KCNC2: variants seen among roughly 807,000 people sequenced by gnomAD.
KCNC2 encodes the protein voltage-gated potassium channel KCNC2.
Under a neutral mutation model 44.5 loss-of-function variants are expected in KCNC2, and 21 were observed. The observed-to-expected ratio is 0.47, with a 90% CI of 0.33 to 0.68. KCNC2 has a LOEUF of 0.68. Ranked by LOEUF, KCNC2 falls within the 30% of genes least tolerant of loss-of-function variation. The pLI, the probability that KCNC2 is intolerant of heterozygous loss-of-function variation, is 0.01. For missense variants in KCNC2, 589 were observed against 826.2 expected, an observed-to-expected ratio of 0.71 and a Z score of 3.52; for synonymous variants, 391 against 339.1, an observed-to-expected ratio of 1.15 and a Z score of -1.68.
intron 2 of KCNC2, among the ~76,000 whole-genome samples, chr12:75,064,733 A>C (rs1258457925): frequency 6.6e-6 from 1 of 152,074 alleles, no homozygotes; most frequent in Non-Finnish European, 1.5e-5. Flanking sequence ...ATGCTAAAAA[A>C]GGTCATGTCC....
intron 2 of KCNC2, among the ~76,000 whole-genome samples, chr12:75,080,422 C>A (rs547178194): frequency 1.1e-4 from 17 of 151,292 alleles, no homozygotes; most frequent in African/African-American, 3.1e-4. Context: ...AAAAAAAAAA[C>A]CATCTCCAGG....
chr12:75,042,255 C>T lies in KCNC2; in HGVS notation c.*850G>A. ...AACCAAGCAGCAATTTCTGGCTAAA[C>T]AATGCAAGCCTGGCTGGCAGTTACC... On this transcript the variant is annotated 3_prime_UTR_variant, in exon 5 of 5. Coordinates refer to ENST00000549446, the MANE Select transcript of KCNC2 (RefSeq NM_139137.4). 6.3e-7 allele frequency: 1 copy of T among 1,593,666 alleles called. No homozygotes were observed. Among genetic ancestry groups the T allele is most frequent in the Non-Finnish European group, 8.5e-7 (1 of 1,171,750 alleles).
At chr12:75,063,005 C>G (rs2136998338) in intron 2 of KCNC2, among the ~76,000 whole-genome samples, 1 of 152,126 alleles carries the variant, frequency 6.6e-6, no homozygotes, top group Non-Finnish European at 1.5e-5. Flanking sequence ...GGAAAAAAGA[C>G]AGCTATGGAT....
intron 2 of KCNC2, among the ~76,000 whole-genome samples, chr12:75,199,346 A>G (rs553136192): frequency 4.6e-5 from 7 of 151,904 alleles, no homozygotes; most frequent in Middle Eastern, 3.4e-3. Context: ...GGACACATAA[A>G]ACAATGAGGA....
At position 75,207,223 on chromosome 12, in the gene KCNC2, G is replaced by T; in HGVS notation, c.687+74C>A. ...CCCCCCATGCCTGAGGCCCTGGGGT[G>T]GAAAAGAACAGAAAGTTGGGGAGGG... On this transcript the variant is annotated intron_variant, in intron 2 of 4. Coordinates refer to ENST00000549446, the MANE Select transcript of KCNC2 (RefSeq NM_139137.4). This position sits in a 1 kb window ranked among gnomAD's most constrained non-coding sequence, Gnocchi z 4.1. 6.7e-7 allele frequency: 1 copy of T among 1,494,364 alleles called. No individual in the cohort carries two copies. Among genetic ancestry groups the T allele is most frequent in the Non-Finnish European group, 8.9e-7 (1 of 1,123,566 alleles). The allele number at this position is 1,494,364 out of a possible 1,614,324, so 92.6% of individuals were successfully genotyped here. A position where few individuals can be genotyped will look rare whatever the true frequency, so the allele number is the denominator to read the frequency against.
intron 2 of KCNC2, among the ~76,000 whole-genome samples, chr12:75,112,079 A>G (rs1887300268): frequency 6.6e-6 from 1 of 151,978 alleles, no homozygotes; most frequent in Non-Finnish European, 1.5e-5. Context: ...TAATTAAAAT[A>G]CAAAATGTCT....
chr12:75,208,652 C>T (rs994196587), intron 1 of KCNC2, among the ~76,000 whole-genome samples: 2 of 149,946 alleles, frequency 1.3e-5, no homozygotes, highest in African/African-American at 2.5e-5. Context: ...CTCCCTAGCG[C>T]TCAGGGAGTG....
intron 2 of KCNC2, among the ~76,000 whole-genome samples, chr12:75,179,619 G>C (rs1298170872): frequency 7.5e-6 from 1 of 132,834 alleles, no homozygotes; most frequent in African/African-American, 2.9e-5. Context: ...ATAAAAGATA[G>C]TTTTATATCT....
chr12:75,096,053 C>T (rs1885893576), intron 2 of KCNC2, among the ~76,000 whole-genome samples: 1 of 152,002 alleles, frequency 6.6e-6, no homozygotes. Flanking sequence ...TCAGCTTCCA[C>T]TCTTTCCCTG....
Position 75,207,782 on chromosome 12 carries a change from G to T in KCNC2, c.202C>A (p.Pro68Thr), listed in dbSNP as rs757090654. The stretch of plus-strand genomic sequence containing the variant: ...CCGCCTGGCCCGGGGGACAGCGGGG[G>T]CGCTCTCGGCGGCGGCGACAGTGGA... ...PPPLSPPPRA[P>T]PLSPGPGGCF... Residue 68 changes from proline to threonine, a missense_variant, in exon 2 of 5, where the codon CCC (proline) becomes ACC (threonine). Pro to Thr is a conservative substitution (Grantham distance 38, BLOSUM62 -1). Around this residue, in one of 7 missense-constraint regions of KCNC2, gnomAD observed 148 missense variants for 140.1 expected, o/e 1.06. Coordinates refer to ENST00000549446, the MANE Select transcript of KCNC2 (RefSeq NM_139137.4). The surrounding 1 kb of genome is among the most constrained non-coding windows in gnomAD (Gnocchi z 4.1). The T allele has an allele frequency of 1.3e-6, 2 of 1,587,420 alleles. No individual in the cohort carries two copies. The highest frequency in any genetic ancestry group is 2.2e-5 in the South Asian group (2 of 88,990).
chr12:75,044,298 A>T (rs1226321029), intron 4 of KCNC2, among the ~76,000 whole-genome samples: 1 of 151,982 alleles, frequency 6.6e-6, no homozygotes, highest in African/African-American at 2.4e-5. Flanking sequence ...GTTATAGAAC[A>T]GGAAAATGAA....
At chr12:75,126,422 A>T (rs1888429416) in intron 2 of KCNC2, among the ~76,000 whole-genome samples, 1 of 152,216 alleles carries the variant, frequency 6.6e-6, no homozygotes, top group African/African-American at 2.4e-5. Flanking sequence ...GGTGCTAAGA[A>T]TACAACTTGA....
chr12:75,114,043 G>T (rs547380554), intron 2 of KCNC2, among the ~76,000 whole-genome samples: 58 of 152,148 alleles, frequency 3.8e-4, no homozygotes, highest in African/African-American at 1.3e-3. Context: ...ATAGACCATA[G>T]CTTCAGATAA....
At position 75,115,728 on chromosome 12, in the gene KCNC2, C is replaced by T. The variant is rs1887612517; in HGVS notation, c.688-64411G>A. Reference sequence around the variant, plus strand: ...TGCAGAGATTTGTACCTATTTATTTCTCTACTTGTGTGATTCTTCGTATCT... The same window carrying T: ...TGCAGAGATTTGTACCTATTTATTTTTCTACTTGTGTGATTCTTCGTATCT... On this transcript the variant is annotated intron_variant, in intron 2 of 4. Transcript: ENST00000549446. Among the ~76,000 whole-genome samples, 4 of 152,118 alleles carry T rather than the reference C, an allele frequency of 2.6e-5. No homozygotes were observed. In the South Asian group the frequency reaches 8.3e-4, roughly 32 times the overall value.
At chr12:75,129,250 A>G (rs2137329717) in intron 2 of KCNC2, among the ~76,000 whole-genome samples, 1 of 152,294 alleles carries the variant, frequency 6.6e-6, no homozygotes, top group East Asian at 1.9e-4. Flanking sequence ...ACAGCCAGGG[A>G]GCCGGGGTGC....
At chr12:75,047,028 A>G (rs1880602522) in intron 4 of KCNC2, among the ~76,000 whole-genome samples, 1 of 152,066 alleles carries the variant, frequency 6.6e-6, no homozygotes, top group South Asian at 2.1e-4. Flanking sequence ...TCCAATGAAT[A>G]ACAACTAAGC....
chr12:75,082,225 C>T (rs1245720697), intron 2 of KCNC2, among the ~76,000 whole-genome samples: 2 of 151,594 alleles, frequency 1.3e-5, no homozygotes, highest in African/African-American at 4.8e-5. Flanking sequence ...GTTTTAAATC[C>T]TGGAAATTAA....
chr12:75,137,096 C>T lies in KCNC2; in HGVS notation c.687+70201G>A, dbSNP rs190929156. Among the ~76,000 whole-genome samples the T allele has an allele frequency of 3.3e-5, 5 of 152,258 alleles. No individual in the cohort carries two copies. In the East Asian group the frequency reaches 9.6e-4, roughly 29 times the overall value. Reference sequence around the variant, plus strand: ...CAAATCCACCAGTGACCATCTCTTGCAAAATCTAACAGACACTTTTAGGGC... The same window carrying T: ...CAAATCCACCAGTGACCATCTCTTGTAAAATCTAACAGACACTTTTAGGGC... On this transcript the variant is annotated intron_variant, in intron 2 of 4. Transcript: ENST00000549446.
intron 2 of KCNC2, among the ~76,000 whole-genome samples, chr12:75,089,177 C>T (rs1885270301): frequency 1.3e-5 from 2 of 151,696 alleles, no homozygotes; most frequent in Admixed American, 6.6e-5. Context: ...AAAATGGAAA[C>T]AGATTAGGTA....
Sources: gnomAD v4.1 joint callset for allele counts (sites outside exome capture counted in the v4.1 genomes callset) on GRCh38, gnomAD v4.1.1 for gene constraint, gnomAD v4.1.1 regional missense constraint, Gnocchi (gnomAD v3.1) non-coding constraint, MANE v1.5 for transcripts, NCBI Gene and HGNC (gene_info 2026-07-23, HGNC 2026-07-21) for gene names.